The following RABGAP1L variants were observed in gnomAD, a reference collection of about 807,000 sequenced individuals.
The protein encoded by RABGAP1L is RAB GTPase activating protein 1 like.
RABGAP1L carries 63 observed loss-of-function variants against 137.7 expected under a neutral mutation model. That is an observed-to-expected ratio of 0.46 (90% CI 0.37 to 0.56). The LOEUF is 0.56. Among genes scored for constraint, RABGAP1L ranks in the 20% least tolerant of loss-of-function variants. RABGAP1L has a pLI of 0.00. For missense variants in RABGAP1L, 1,095 were observed against 1,244.0 expected, an observed-to-expected ratio of 0.88 and a Z score of 1.80; for synonymous variants, 431 against 433.7, an observed-to-expected ratio of 0.99 and a Z score of 0.08.
intron 21 of RABGAP1L, among the ~76,000 whole-genome samples, chr1:174,970,041 A>G (rs1670001383): frequency 6.6e-6 from 1 of 152,238 alleles, no homozygotes; most frequent in Non-Finnish European, 1.5e-5. Context: ...TTCAAAAACA[A>G]AAACAAAAAC....
At chr1:174,201,051 G>A (rs571220792) in intron 1 of RABGAP1L, among the ~76,000 whole-genome samples, 41 of 152,056 alleles carry the variant, frequency 2.7e-4, no homozygotes, top group Non-Finnish European at 5.6e-4. Context: ...CACTTTGGTC[G>A]TTAATTTTTG....
rs753430453 is a variant in RABGAP1L at position 174,252,495 on chromosome 1, T to C, written c.891T>C (p.Asp297=). 4 of 1,612,724 alleles carry C rather than the reference T, an allele frequency of 2.5e-6. No individual in the cohort carries two copies. Among genetic ancestry groups the C allele is most frequent in the Admixed American group, 1.7e-5 (1 of 59,748 alleles). The stretch of plus-strand genomic sequence containing the variant: ...AATATTTCAGCCCTGTGCCTAAGGA[T>C]AGAGATAAATTTTATTTCAAATTAA... ...GKGNFSPVPK[D]RDKFYFKLKQ... is the part of the protein sequence containing the mutation. Residue 297 remains aspartate (D), a synonymous_variant, in exon 7 of 26, where the codon GAT becomes GAC. Coordinates refer to ENST00000681986, the MANE Select transcript of RABGAP1L (RefSeq NM_001366446.1).
intron 19 of RABGAP1L, among the ~76,000 whole-genome samples, chr1:174,938,972 G>A (rs943958954): frequency 2.6e-5 from 4 of 152,114 alleles, no homozygotes; most frequent in Non-Finnish European, 5.9e-5. Flanking sequence ...TGCAGTAGAT[G>A]GACCTTAAAG....
chr1:174,977,703 C>T (rs184009051), intron 22 of RABGAP1L, among the ~76,000 whole-genome samples: 5 of 152,268 alleles, frequency 3.3e-5, no homozygotes, highest in Admixed American at 3.3e-4. Context: ...GACCCTTGCT[C>T]AAAGACTCTC....
chr1:174,387,805 G>A (rs776887345), intron 12 of RABGAP1L, among the ~76,000 whole-genome samples: 6 of 151,942 alleles, frequency 3.9e-5, no homozygotes, highest in Non-Finnish European at 1.5e-5. Context: ...ATTATTTAAA[G>A]ATCTGAGGGA....
rs1219813582 is a variant in RABGAP1L at position 174,957,534 on chromosome 1, A to G, written c.2418A>G (p.Pro806=). 6.2e-7 allele frequency: 1 copy of G among 1,606,790 alleles called. No homozygotes were observed. Among genetic ancestry groups the G allele is most frequent in the South Asian group, 1.1e-5 (1 of 90,914 alleles). Residue 806 remains proline, a synonymous_variant, in exon 20 of 26, where the codon CCA becomes CCG. Coordinates refer to ENST00000681986, the MANE Select transcript of RABGAP1L (RefSeq NM_001366446.1). The part of the protein sequence containing the change: ...MRESQLQQED[P]MDRYKRENRR... ...AGAGTCAGCTGCAACAGGAAGACCC[A>G]ATGGATAGATACAAGGTATGAGAAA...
chr1:174,657,513 C>T (rs1457658884), intron 14 of RABGAP1L, among the ~76,000 whole-genome samples: 5 of 152,028 alleles, frequency 3.3e-5, no homozygotes, highest in African/African-American at 1.2e-4. Context: ...CTTTCTGTTC[C>T]TGGCTTATTT....
intron 19 of RABGAP1L, among the ~76,000 whole-genome samples, chr1:174,887,620 G>C (rs978964501): frequency 1.3e-5 from 2 of 152,058 alleles, no homozygotes; most frequent in African/African-American, 2.4e-5. Flanking sequence ...CTTGGGGGGG[G>C]GGTCATGGAT....
At chr1:174,258,361 T>G (rs1673294295) in intron 7 of RABGAP1L, among the ~76,000 whole-genome samples, 1 of 152,234 alleles carries the variant, frequency 6.6e-6, no homozygotes. Context: ...CATGGCTTAC[T>G]ACATCTTTCA....
At chr1:174,596,762 G>A (rs1336946747) in intron 13 of RABGAP1L, among the ~76,000 whole-genome samples, 2 of 152,080 alleles carry the variant, frequency 1.3e-5, no homozygotes, top group South Asian at 2.1e-4. Context: ...GTTGAATAAC[G>A]GTGGTGAAAG....
chr1:174,650,869 TCTG>T lies in RABGAP1L; in HGVS notation c.1824+13384_1824+13386del, dbSNP rs1675423061. Among the ~76,000 whole-genome samples the T allele has an allele frequency of 3.6e-5, 5 of 140,332 alleles. 1 individual carries two copies. The South Asian group carries it at 1.1e-3, about 31-fold the overall frequency. The allele number at this position is 140,332 out of a possible 152,430, so 92.1% of individuals were successfully genotyped here. On this transcript the variant is annotated intron_variant, in intron 14 of 25. Transcript: ENST00000681986. Reference sequence around the variant, plus strand: ...CTCTGATTTTAGTTATTTCTTGCCTTCTGCTAGCTTTTGAATGTGTTTGCTCTT... The same window carrying T: ...CTCTGATTTTAGTTATTTCTTGCCTTCTAGCTTTTGAATGTGTTTGCTCTT...
intron 1 of RABGAP1L, among the ~76,000 whole-genome samples, chr1:174,211,454 A>G (rs978347526): frequency 1.3e-5 from 2 of 152,132 alleles, no homozygotes; most frequent in East Asian, 3.8e-4. Context: ...TATTTGCAAG[A>G]CTCATTGTAA....
intron 11 of RABGAP1L, among the ~76,000 whole-genome samples, chr1:174,350,598 C>T (rs1232149549): frequency 9.8e-6 from 1 of 101,774 alleles, no homozygotes; most frequent in Non-Finnish European, 2.0e-5. Context: ...ACGCTCCTCA[C>T]TTTCCAGACT....
At chr1:174,769,019 T>G (rs1025955476) in intron 18 of RABGAP1L, among the ~76,000 whole-genome samples, 2 of 152,274 alleles carry the variant, frequency 1.3e-5, no homozygotes, top group Non-Finnish European at 1.5e-5. Context: ...GGATTACTAC[T>G]GTCACCACCA....
chr1:174,706,451 C>G (rs555498259), intron 17 of RABGAP1L, among the ~76,000 whole-genome samples: 16 of 152,072 alleles, frequency 1.1e-4, no homozygotes, highest in African/African-American at 3.9e-4. Context: ...AAAAACAAAC[C>G]TATATCTTAT....
chr1:174,241,714 G>T, intron 5 of RABGAP1L, 57 bp downstream of exon 5: 3 of 1,356,844 alleles, frequency 2.2e-6, no homozygotes, highest in South Asian at 1.5e-5. Flanking sequence ...TAATATTTTT[G>T]AGCTCTAATT....
chr1:174,367,439 G>A (rs1017072362), intron 11 of RABGAP1L: 9 of 206,642 alleles, frequency 4.4e-5, no homozygotes, highest in Admixed American at 5.8e-5. Flanking sequence ...CAGTTGTTCC[G>A]TGTTCAACTG....
intron 13 of RABGAP1L, among the ~76,000 whole-genome samples, chr1:174,634,519 C>A (rs1430230506): frequency 6.9e-6 from 1 of 145,206 alleles, no homozygotes; most frequent in Non-Finnish European, 1.5e-5. Flanking sequence ...TTTGACCCAG[C>A]CATCCCTTAC....
intron 13 of RABGAP1L, among the ~76,000 whole-genome samples, chr1:174,413,946 A>AT (rs1558213310): frequency 6.6e-6 from 1 of 151,618 alleles, no homozygotes; most frequent in Non-Finnish European, 1.5e-5. Context: ...GAGGCCATGA[A>AT]GGCAGGGATA....
Sources: gnomAD v4.1 joint callset for allele counts (sites outside exome capture counted in the v4.1 genomes callset) on GRCh38, gnomAD v4.1.1 for gene constraint, MANE v1.5 for transcripts, NCBI Gene and HGNC (gene_info 2026-07-23, HGNC 2026-07-21) for gene names.